USP20: variants seen among roughly 807,000 people sequenced by gnomAD.
USP20 encodes the protein ubiquitin carboxyl-terminal hydrolase 20.
Under a neutral mutation model 124.2 loss-of-function variants are expected in USP20, and 80 were observed. The ratio of observed to expected loss-of-function variants is 0.64; its 90% CI spans 0.54 to 0.78. USP20 has a LOEUF of 0.78. Among genes scored for constraint, USP20 ranks in the 30% least tolerant of loss-of-function variants. USP20 has a pLI of 0.00. For synonymous variants in USP20, 481 were observed against 512.3 expected (o/e 0.94, Z 0.83); for missense variants, 1,043 against 1,244.4 (o/e 0.84, Z 2.44).
chr9:129,855,592 G>A (rs2033171084), intron 3 of USP20, among the ~76,000 whole-genome samples: 1 of 152,174 alleles, frequency 6.6e-6, no homozygotes, highest in Non-Finnish European at 1.5e-5. Flanking sequence ...GCCAATGGTA[G>A]GAGGAGAAAG....
rs372872905 is a variant in USP20 at position 129,874,654 on chromosome 9, C to G, written c.1819C>G (p.Leu607Val). ...GATCAACAGCCACGTCTCCTTCCCC[C>G]TCGAGGGGCTCGACCTGCGCCCCTT... ...FKINSHVSFP[L>V]EGLDLRPFLA... The change falls in exon 18 of 26, where the codon CTC becomes GTC. Residue 607 changes from leucine to valine, a missense_variant. Physicochemically the swap from Leu to Val is conservative, Grantham distance 32. Transcript: ENST00000372429. The G allele has an allele frequency of 6.8e-6, 11 of 1,613,960 alleles. No individual in the cohort carries two copies. Among genetic ancestry groups the G allele is most frequent in the African/African-American group, 5.3e-5 (4 of 75,076 alleles).
At chr9:129,869,905 G>A (rs1051596538) in intron 14 of USP20, 61 bp downstream of exon 14, 6 of 1,584,428 alleles carry the variant, frequency 3.8e-6, no homozygotes, top group Admixed American at 3.4e-5. Context: ...TTTCCTGGGC[G>A]GGAGACAGTA....
Position 129,869,348 on chromosome 9 carries a change from C to T in USP20, c.1315C>T (p.Gln439Ter). The change falls in exon 13 of 26, where the codon CAG becomes TAG. Residue 439 changes from glutamine to a stop codon, truncating the protein, a stop_gained. Transcript: ENST00000372429. LOFTEE classifies it high-confidence loss of function. ...TGCTGGCAGCCGGAGGCGGAAGGAG[C>T]AGCGCTACCGCAGCGTCATCTCAGA... The part of the protein sequence containing the change: ...LSAGSRRRKE[Q>*]RYRSVISDIF... 2 of 1,613,694 alleles carry T rather than the reference C, an allele frequency of 1.2e-6. No individual in the cohort carries two copies. Among genetic ancestry groups the T allele is most frequent in the African/African-American group, 1.3e-5 (1 of 75,070 alleles).
At position 129,880,279 on chromosome 9, in the gene USP20, T is replaced by C. The variant is rs2034587381; in HGVS notation, c.*6T>C. ...CCGAGACGCGGGCCGTGTGATCTGC[T>C]GGGCTAGTCTGTAAGTCGCCCCGGC... On this transcript the variant is annotated 3_prime_UTR_variant, in exon 25 of 26. Transcript: ENST00000372429. The C allele has an allele frequency of 1.3e-6, 2 of 1,584,730 alleles. No homozygotes were observed. The highest frequency in any genetic ancestry group is 8.6e-7 in the Non-Finnish European group (1 of 1,167,954).
chr9:129,873,080 C>CTTTTTTTTTTTTTTTTTTTTTT (rs59712662), intron 15 of USP20, among the ~76,000 whole-genome samples: 2 of 78,364 alleles, frequency 2.6e-5, no homozygotes, highest in Non-Finnish European at 4.7e-5. Flanking sequence ...TTTTCTTCTT[C>CTTTTTTTTTTTTTTTTTTTTTT]TTTTTTTTTT....
intron 15 of USP20, among the ~76,000 whole-genome samples, chr9:129,871,772 A>G (rs1169617518): frequency 1.3e-5 from 2 of 152,156 alleles, no homozygotes; most frequent in Admixed American, 1.3e-4. Context: ...GCTGGAGTGC[A>G]ATGGCATGAT....
chr9:129,840,599 A>G (rs2032146091), intron 1 of USP20, among the ~76,000 whole-genome samples: 1 of 152,170 alleles, frequency 6.6e-6, no homozygotes, highest in South Asian at 2.1e-4. Flanking sequence ...CATTTGCCTT[A>G]TTTACTCTAA....
intron 6 of USP20, among the ~76,000 whole-genome samples, chr9:129,860,718 T>C (rs541931882): frequency 1.3e-5 from 2 of 152,318 alleles, no homozygotes; most frequent in Non-Finnish European, 2.9e-5. Context: ...AGCAAGACCC[T>C]GTCTCTAAAA....
chr9:129,845,757 AAAAG>A (rs2032502758), intron 1 of USP20, among the ~76,000 whole-genome samples: 1 of 152,220 alleles, frequency 6.6e-6, no homozygotes, highest in Non-Finnish European at 1.5e-5. Flanking sequence ...AGGAAGAAAA[AAAAG>A]GCAACACAAG....
Position 129,881,697 on chromosome 9 carries a change from G to T in USP20, c.*1247G>T, listed in dbSNP as rs758510962. ...CATTGGCCCCAGCCTTCTGAAAGCC[G>T]GCGCTGCAGCCAGAGGCCGCACGCT... On this transcript the variant is annotated 3_prime_UTR_variant, in exon 26 of 26. Coordinates refer to ENST00000372429, the MANE Select transcript of USP20 (RefSeq NM_001110303.4). 1 of 152,316 alleles carries T rather than the reference G, an allele frequency of 6.6e-6. No individual in the cohort carries two copies. Among genetic ancestry groups the T allele is most frequent in the Admixed American group, 6.5e-5 (1 of 15,294 alleles). 9.4% of individuals were successfully genotyped at this position (152,316 alleles called of 1,614,324 possible).
rs561524160 is a variant in USP20, at chr9:129,865,672, G to A, written c.690+291G>A. Among the ~76,000 whole-genome samples the A allele has an allele frequency of 4.6e-5, 7 of 152,104 alleles. 1 individual carries two copies. In the South Asian group the frequency reaches 1.5e-3, roughly 32 times the overall value. On this transcript the variant is annotated intron_variant, in intron 10 of 25. Transcript: ENST00000372429. Reference sequence around the variant, plus strand: ...GGTGGAGGGGAATTCTTTTTTTTGTGGGGGAGGGTGGGTACAGGGTCTCAC... The same window carrying A: ...GGTGGAGGGGAATTCTTTTTTTTGTAGGGGAGGGTGGGTACAGGGTCTCAC...
In USP20 at chr9:129,860,976, A is replaced by G. The variant is rs775060476; in HGVS notation, c.370A>G (p.Ile124Val). 7 of 1,613,896 alleles carry G rather than the reference A, an allele frequency of 4.3e-6. No homozygotes were observed. Among genetic ancestry groups the G allele is most frequent in the South Asian group, 1.1e-5 (1 of 91,078 alleles). ...CTCCCACCCTCTGAAAGCTGTTCCT[A>G]TTGCTGTGGCTGATGAAGGAGAGTC... ...PPSHPLKAVP[I>V]AVADEGESES... Residue 124 changes from isoleucine (I) to valine (V), a missense_variant, in exon 7 of 26, where the codon ATT becomes GTT. Coordinates refer to ENST00000372429, the MANE Select transcript of USP20 (RefSeq NM_001110303.4).
At chr9:129,873,240 C>T (rs1479358455) in intron 15 of USP20, among the ~76,000 whole-genome samples, 4 of 151,914 alleles carry the variant, frequency 2.6e-5, no homozygotes, top group Admixed American at 6.6e-5. Flanking sequence ...CGCACCACCA[C>T]GTCCAGCTAA....
chr9:129,856,261 C>T (rs528489029), intron 3 of USP20, 46 bp from the exon 4 acceptor site: 14 of 1,591,092 alleles, frequency 8.8e-6, no homozygotes, highest in Admixed American at 5.0e-5. Flanking sequence ...AGCCCCGCAA[C>T]GGGCTCCTCA....
rs1564219467 is a variant in USP20 at position 129,873,503 on chromosome 9, A to G, written c.1682A>G (p.Glu561Gly). The change falls in exon 16 of 26, where the codon GAG becomes GGG. Residue 561 changes from glutamate to glycine, a missense_variant. Transcript: ENST00000372429. ...ELKGDNMYSCERCKKLRNGVK... is the reference protein window; with the variant it reads ...ELKGDNMYSCGRCKKLRNGVK... ...CTAGGTGACAACATGTACAGCTGTG[A>G]GCGGTGTAAGAAGTAAGTGAGCCTT... The G allele has an allele frequency of 6.2e-7, 1 of 1,614,102 alleles. No individual in the cohort carries two copies. The highest frequency in any genetic ancestry group is 8.5e-7 in the Non-Finnish European group (1 of 1,179,994).
chr9:129,870,698 C>T (rs1057158975), intron 15 of USP20, 151 bp downstream of exon 15: 13 of 833,994 alleles, frequency 1.6e-5, no homozygotes, highest in African/African-American at 3.4e-5. Flanking sequence ...CAGATACCCA[C>T]GCCCACTGCC....
rs775561732 is a variant in USP20 at position 129,870,475 on chromosome 9, A to G, written c.1588A>G (p.Ser530Gly). 34 of 1,614,052 alleles carry G rather than the reference A, an allele frequency of 2.1e-5. No individual in the cohort carries two copies. The African/African-American group carries it at 4.3e-4, about 20-fold the overall frequency. The change falls in exon 15 of 26, where the codon AGC (serine) becomes GGC (glycine). Residue 530 changes from serine to glycine, a missense_variant. Coordinates refer to ENST00000372429, the MANE Select transcript of USP20 (RefSeq NM_001110303.4). ...TAGGTTTGTGGTATCCTGTACCCCC[A>G]GCTGGTTTTGGGGGCCTGTCGTCAC... Reference protein sequence around the residue: ...IRRFVVSCTPSWFWGPVVTLE... With the variant: ...IRRFVVSCTPGWFWGPVVTLE...
intron 2 of USP20, among the ~76,000 whole-genome samples, chr9:129,851,663 C>T (rs1202046476): frequency 3.3e-5 from 5 of 152,142 alleles, no homozygotes; most frequent in Non-Finnish European, 7.4e-5. Context: ...TTTTATACCC[C>T]TGATTTAAAA....
chr9:129,875,003 C>T, intron 19 of USP20, 48 bp downstream of exon 19: 1 of 1,600,164 alleles, frequency 6.2e-7, no homozygotes. Context: ...ATCCCCGTCC[C>T]CTGGGACCCA....
Sources: allele counts gnomAD v4.1 joint callset (sites outside exome capture counted in the v4.1 genomes callset), GRCh38; gene constraint gnomAD v4.1.1; transcripts MANE v1.5; gene names NCBI Gene and HGNC (gene_info 2026-07-23, HGNC 2026-07-21).